The following LRP5 variants were observed in gnomAD, a reference collection of about 807,000 sequenced individuals.
LRP5 encodes the protein low-density lipoprotein receptor-related protein 5.
A neutral mutation model predicts 154.1 loss-of-function variants in LRP5; 62 were observed. The observed-to-expected ratio is 0.40, with a 90% confidence interval of 0.33 to 0.50. LRP5 has a LOEUF of 0.50. Among genes scored for constraint, LRP5 ranks in the 20% least tolerant of loss-of-function variants. LRP5 has a pLI of 0.55. For synonymous variants in LRP5, 966 were observed against 1,011.5 expected (o/e 0.96, Z 0.85); for missense variants, 1,915 against 2,336.7 (o/e 0.82, Z 3.72).
chr11:68,410,757 T>C (rs2098658984), intron 10 of LRP5, among the ~76,000 whole-genome samples: 1 of 152,168 alleles, frequency 6.6e-6, no homozygotes, highest in Non-Finnish European at 1.5e-5. Flanking sequence ...TTTCTGGACT[T>C]GAGTTTTCTT....
intron 21 of LRP5, among the ~76,000 whole-genome samples, chr11:68,442,879 G>A (rs1162883161): frequency 6.6e-6 from 1 of 152,096 alleles, no homozygotes; most frequent in South Asian, 2.1e-4. Context: ...TGCTTCCCCC[G>A]CACCCTGAAG....
rs373967111 is a variant in LRP5 at position 68,447,262 on chromosome 11, G to A, written c.4586+729G>A. On this transcript the variant is annotated intron_variant, in intron 22 of 22. Coordinates refer to ENST00000294304, the MANE Select transcript of LRP5 (RefSeq NM_002335.4). This position sits in a 1 kb window ranked among gnomAD's most constrained non-coding sequence, Gnocchi z 4.3. Reference sequence around the variant, plus strand: ...AGGCAACGTGGCCCACCCGCCAGCCGCACCAGGCCCCACCCCCGCAGGTGA... The same window carrying A: ...AGGCAACGTGGCCCACCCGCCAGCCACACCAGGCCCCACCCCCGCAGGTGA... 556 of 153,934 alleles carry A rather than the reference G, an allele frequency of 3.6e-3. 4 individuals are homozygous for A. The highest frequency in any genetic ancestry group is 0.01 in the African/African-American group (426 of 41,578). The allele number at this position is 153,934 out of a possible 1,614,324, so 9.5% of individuals were successfully genotyped here.
intron 1 of LRP5, among the ~76,000 whole-genome samples, chr11:68,339,816 T>C (rs2098607893): frequency 6.6e-6 from 1 of 152,226 alleles, no homozygotes; most frequent in Non-Finnish European, 1.5e-5. Context: ...TATGTGTACA[T>C]ACATGAGTAG....
intron 1 of LRP5, among the ~76,000 whole-genome samples, chr11:68,340,359 A>G (rs678765): frequency 1 from 152,146 of 152,338 alleles, 75,978 homozygotes; most frequent in Middle Eastern, 1. Flanking sequence ...AGGCCAGGCC[A>G]GGCTTTGAAT....
At position 68,361,314 on chromosome 11, in the gene LRP5, A is replaced by T. The variant is rs200944076; in HGVS notation, c.687-2433A>T. 6.2e-3 allele frequency among the ~76,000 whole-genome samples: 926 copies of T among 148,474 alleles called. 14 individuals are homozygous for T. Among genetic ancestry groups the T allele is most frequent in the East Asian group, 0.057 (286 of 5,028 alleles). On this transcript the variant is annotated intron_variant, in intron 3 of 22. Transcript: ENST00000294304. The stretch of plus-strand genomic sequence containing the variant: ...AGCGAGACTCTGTCTCAAAAAAAAA[A>T]ATAATAAAATAAAATAATAAAATTA...
At chr11:68,358,684 G>A (rs1404844759) in intron 3 of LRP5, among the ~76,000 whole-genome samples, 3 of 152,226 alleles carry the variant, frequency 2.0e-5, no homozygotes, top group Non-Finnish European at 4.4e-5. Context: ...CCGAGAATGA[G>A]TAGGAAGGGT....
intron 17 of LRP5, 25 bp from the exon 18 acceptor site, chr11:68,433,577 A>T (rs1342358085): frequency 6.3e-7 from 1 of 1,592,774 alleles, no homozygotes. Flanking sequence ...GCTGCGTGTG[A>T]TGTTCTCCTC....
chr11:68,409,827 G>A (rs985228205), intron 9 of LRP5, 87 bp from the exon 10 acceptor site: 55 of 1,052,478 alleles, frequency 5.2e-5, no homozygotes, highest in Non-Finnish European at 7.2e-5. Context: ...TCCAGGCTGG[G>A]CAAGAAGAGC....
Position 68,439,860 on chromosome 11 carries a change from G to A in LRP5, c.4432G>A (p.Val1478Ile), listed in dbSNP as rs758606794. ...GGVPLYDRNH[V>I]TGASSSSSSS... ...GGTGCCCCTCTACGACCGGAACCAC[G>A]TCACAGGGGCCTCGTCCAGCAGCTC... The change falls in exon 21 of 23, where the codon GTC (valine) becomes ATC (isoleucine). Residue 1478 changes from valine (V) to isoleucine (I), a missense_variant. Physicochemically the swap from Val to Ile is conservative, Grantham distance 29 (BLOSUM62 3). Coordinates refer to ENST00000294304, the MANE Select transcript of LRP5 (RefSeq NM_002335.4). 52 of 1,605,514 alleles carry A rather than the reference G, an allele frequency of 3.2e-5. No individual in the cohort carries two copies. Among genetic ancestry groups the A allele is most frequent in the Middle Eastern group, 3.3e-4 (2 of 6,056 alleles).
rs1476066586 is a variant in LRP5 at position 68,415,688 on chromosome 11, G to A, written c.2828-640G>A. Among the ~76,000 whole-genome samples, 4 of 52,072 alleles carry A rather than the reference G, an allele frequency of 7.7e-5. 2 individuals carry two copies. Among genetic ancestry groups the A allele is most frequent in the African/African-American group, 1.8e-4 (4 of 22,776 alleles). The allele number at this position is 52,072 out of a possible 152,430, so 34.2% of individuals were successfully genotyped here. ...TGAACTTGGGAGGTGGAAGTTTCAA[G>A]TGAGCTCATTTTGTGCCACTGCACT... is the stretch of plus-strand genomic sequence containing the variant. On this transcript the variant is annotated intron_variant, in intron 12 of 22. Transcript: ENST00000294304.
At chr11:68,443,291 C>G (rs2098679110) in intron 21 of LRP5, among the ~76,000 whole-genome samples, 1 of 151,086 alleles carries the variant, frequency 6.6e-6, no homozygotes, top group African/African-American at 2.4e-5. Flanking sequence ...TCACTTGAGG[C>G]CGGGAGTTTG....
intron 9 of LRP5, among the ~76,000 whole-genome samples, chr11:68,408,525 G>A (rs966808710): frequency 4.6e-5 from 7 of 152,016 alleles, no homozygotes; most frequent in South Asian, 4.1e-4. Flanking sequence ...AGAGACGACC[G>A]TTGCTGACAC....
intron 5 of LRP5, among the ~76,000 whole-genome samples, chr11:68,372,331 C>T (rs558583571): frequency 6.9e-5 from 8 of 115,606 alleles, no homozygotes; most frequent in African/African-American, 1.0e-4. Context: ...CAGGCAGACC[C>T]GGGACTGTGG....
the LRP5 span, among the ~76,000 whole-genome samples, chr11:68,299,138 C>A: frequency 2.6e-5 from 4 of 152,204 alleles, no homozygotes; most frequent in Non-Finnish European, 4.4e-5. Context: ...CCATGCACAC[C>A]CCTGCCTCCC....
In LRP5 at chr11:68,447,589, A is replaced by G. The variant is rs955270363; in HGVS notation, c.4586+1056A>G. 3.3e-5 allele frequency among the ~76,000 whole-genome samples: 5 copies of G among 152,104 alleles called. No individual in the cohort carries two copies. The highest frequency in any genetic ancestry group is 7.2e-5 in the African/African-American group (3 of 41,414). On this transcript the variant is annotated intron_variant, in intron 22 of 22. Transcript: ENST00000294304. This position sits in a 1 kb window ranked among gnomAD's most constrained non-coding sequence, Gnocchi z 4.3. ...CCACACTGGGCAGCCCAGTCTCGCT[A>G]GTTCCTCGTCCCACCTCCTGCCTTT...
intron 16 of LRP5, among the ~76,000 whole-genome samples, chr11:68,427,198 T>G (rs1052434720): frequency 6.6e-6 from 1 of 152,188 alleles, no homozygotes; most frequent in Admixed American, 6.5e-5. Flanking sequence ...TGCTGGGGAC[T>G]GGGGTGGGAA....
Position 68,433,683 on chromosome 11 carries a change from G to A in LRP5, c.3845G>A (p.Gly1282Asp). 1 of 1,613,290 alleles carries A rather than the reference G, an allele frequency of 6.2e-7. No individual in the cohort carries two copies. The highest frequency in any genetic ancestry group is 8.5e-7 in the Non-Finnish European group (1 of 1,179,974). ...DCIPGAWRCD[G>D]FPECDDQSDE... ...ATCCCCGGGGCCTGGCGCTGTGACGGCTTTCCCGAGTGCGATGACCAGAGC... is the reference window on the plus strand; with the variant it reads ...ATCCCCGGGGCCTGGCGCTGTGACGACTTTCCCGAGTGCGATGACCAGAGC... The change falls in exon 18 of 23, where the codon GGC (glycine) becomes GAC (aspartate). Residue 1282 changes from glycine to aspartate, a missense_variant. By Grantham distance (94) the Gly-to-Asp change is moderately conservative. This residue lies in a region of LRP5 where 1,094 missense variants were observed against 1,210.1 expected (regional missense o/e 0.90). Transcript: ENST00000294304.
Position 68,410,116 on chromosome 11 carries a change from C to T in LRP5, c.2294C>T (p.Ser765Leu). 2 of 1,613,868 alleles carry T rather than the reference C, an allele frequency of 1.2e-6. No individual in the cohort carries two copies. Among genetic ancestry groups the T allele is most frequent in the Non-Finnish European group, 1.7e-6 (2 of 1,180,008 alleles). Residue 765 changes from serine to leucine, a missense_variant, in exon 10 of 23, where the codon TCG (serine) becomes TTG (leucine). Ser to Leu is a moderately radical substitution (Grantham distance 145). Coordinates refer to ENST00000294304, the MANE Select transcript of LRP5 (RefSeq NM_002335.4). ...LVWRDLDNPR[S>L]LALDPTKGYI... Reference sequence around the variant, plus strand: ...TGGAGGGACTTGGACAACCCGAGGTCGCTGGCCCTGGATCCCACCAAGGGG... The same window carrying T: ...TGGAGGGACTTGGACAACCCGAGGTTGCTGGCCCTGGATCCCACCAAGGGG...
the LRP5 span, among the ~76,000 whole-genome samples, chr11:68,302,163 C>T: frequency 1.3e-5 from 2 of 151,092 alleles, no homozygotes; most frequent in African/African-American, 4.9e-5. Context: ...TCAAGACCAG[C>T]CTGGCCATCT....
Sources: gnomAD v4.1 joint callset for allele counts (sites outside exome capture counted in the v4.1 genomes callset) on GRCh38, gnomAD v4.1.1 for gene constraint, gnomAD v4.1.1 regional missense constraint, Gnocchi (gnomAD v3.1) non-coding constraint, MANE v1.5 for transcripts, NCBI Gene and HGNC (gene_info 2026-07-23, HGNC 2026-07-21) for gene names.